The following C18orf63 variants were observed in gnomAD, a reference collection of about 807,000 sequenced individuals.
C18orf63 encodes the protein chromosome 18 open reading frame 63.
In C18orf63, 50 loss-of-function variants were observed where a neutral mutation model predicts 75.3. That is an observed-to-expected ratio of 0.66 (90% CI 0.53 to 0.84). The LOEUF is 0.84. Ranked by LOEUF, C18orf63 falls within the 40% of genes least tolerant of loss-of-function variation. C18orf63 has a pLI of 0.00. For missense variants in C18orf63, 732 were observed against 800.2 expected, an observed-to-expected ratio of 0.91 and a Z score of 1.03; for synonymous variants, 232 against 267.6, an observed-to-expected ratio of 0.87 and a Z score of 1.30.
At chr18:74,355,635 T>C (rs754442049) in intron 13 of C18orf63, among the ~76,000 whole-genome samples, 12 of 151,294 alleles carry the variant, frequency 7.9e-5, no homozygotes, top group Non-Finnish European at 1.6e-4. Context: ...TATAAAAAAT[T>C]AGGGCCGGGC....
At chr18:74,322,826 C>A in intron 4 of C18orf63, 72 bp downstream of exon 4, 1 of 489,046 alleles carries the variant, frequency 2.0e-6, no homozygotes, top group Non-Finnish European at 3.3e-6. Flanking sequence ...CTTTTGTCAA[C>A]AAACAAAAAC....
At chr18:74,356,352 C>G (rs1484669028) in intron 13 of C18orf63, 129 bp from the exon 14 acceptor site, 1 of 152,224 alleles carries the variant, frequency 6.6e-6, no homozygotes, top group Non-Finnish European at 1.5e-5. Flanking sequence ...TTATTTAGCT[C>G]CCAATAACAG....
rs1217413183 is a variant in C18orf63, at chr18:74,354,537, T to C, written c.*24T>C. On this transcript the variant is annotated 3_prime_UTR_variant, in exon 13 of 14. Transcript: ENST00000579455. Reference sequence around the variant, plus strand: ...AGAACATGGACCTGAAAGAAGGAAATGTCTACCAGGTAACTGAAGTGATAG... The same window carrying C: ...AGAACATGGACCTGAAAGAAGGAAACGTCTACCAGGTAACTGAAGTGATAG... The C allele has an allele frequency of 3.3e-6, 4 of 1,194,894 alleles. No individual in the cohort carries two copies. Among genetic ancestry groups the C allele is most frequent in the Non-Finnish European group, 4.7e-6 (4 of 848,284 alleles). The allele number at this position is 1,194,894 out of a possible 1,614,324, so 74.0% of individuals were successfully genotyped here.
chr18:74,350,073 G>A (rs1266415784), intron 11 of C18orf63, among the ~76,000 whole-genome samples: 2 of 152,152 alleles, frequency 1.3e-5, no homozygotes, highest in African/African-American at 2.4e-5. Context: ...ATTGGCTGTG[G>A]GGTGTGGGGG....
At position 74,343,534 on chromosome 18, in the gene C18orf63, C is replaced by G. The variant is rs1984522553; in HGVS notation, c.810C>G (p.Cys270Trp). 1.0e-5 allele frequency: 16 copies of G among 1,529,030 alleles called. No homozygotes were observed. The highest frequency in any genetic ancestry group is 1.2e-5 in the Non-Finnish European group (14 of 1,143,328). The allele number at this position is 1,529,030 out of a possible 1,614,324, so 94.7% of individuals were successfully genotyped here. The change falls in exon 11 of 14, where the codon TGC (cysteine) becomes TGG (tryptophan). Residue 270 changes from cysteine (C) to tryptophan (W), a missense_variant. Cys to Trp is a radical substitution (Grantham distance 215). Coordinates refer to ENST00000579455, the MANE Select transcript of C18orf63 (RefSeq NM_001174123.2). ...GERTFTYPLS[C>W]IRSQPMQFFP... ...CATTGTTCAGATATCCTCTCAGTTG[C>G]ATCAGAAGTCAGCCCATGCAGTTCT...
chr18:74,329,708 G>A (rs1984271633), intron 6 of C18orf63, among the ~76,000 whole-genome samples: 2 of 151,968 alleles, frequency 1.3e-5, no homozygotes. Context: ...ATAAGAATAG[G>A]ATTCATTTTC....
At chr18:74,318,483 A>T (rs1292300292) in intron 2 of C18orf63, among the ~76,000 whole-genome samples, 1 of 152,160 alleles carries the variant, frequency 6.6e-6, no homozygotes, top group Non-Finnish European at 1.5e-5. Flanking sequence ...CTGATCCCAC[A>T]TAGTCGTTGA....
intron 7 of C18orf63, among the ~76,000 whole-genome samples, chr18:74,335,256 T>G (rs1200318759): frequency 6.6e-6 from 1 of 152,162 alleles, no homozygotes; most frequent in Admixed American, 6.5e-5. Context: ...GACTTTTGTT[T>G]CTAAATTCTT....
chr18:74,316,908 C>T (rs1179464606), intron 1 of C18orf63, among the ~76,000 whole-genome samples: 1 of 152,188 alleles, frequency 6.6e-6, no homozygotes, highest in Non-Finnish European at 1.5e-5. Flanking sequence ...TACAGTGTTG[C>T]AATCCGTGAG....
Position 74,315,911 on chromosome 18 carries a change from A to C in C18orf63, c.-231A>C, listed in dbSNP as rs975037067. ...AGGGCAGCGAGGAGGGAGCTGAGGC[A>C]CGCGGGCTCTCAATCGACGCCCCAC... On this transcript the variant is annotated 5_prime_UTR_variant, in exon 1 of 14. Coordinates refer to ENST00000579455, the MANE Select transcript of C18orf63 (RefSeq NM_001174123.2). 5 of 152,478 alleles carry C rather than the reference A, an allele frequency of 3.3e-5. No homozygotes were observed. In the East Asian group the frequency reaches 9.7e-4, roughly 30 times the overall value. The allele number at this position is 152,478 out of a possible 1,614,324, so 9.4% of individuals were successfully genotyped here.
intron 12 of C18orf63, 53 bp downstream of exon 12, chr18:74,354,321 C>A: frequency 7.2e-7 from 1 of 1,390,602 alleles, no homozygotes. Flanking sequence ...CCCTTAAAAC[C>A]CCTAAATAAG....
chr18:74,329,062 G>T (rs1320105219), intron 6 of C18orf63, 26 bp downstream of exon 6: 1 of 1,378,070 alleles, frequency 7.3e-7, no homozygotes, highest in South Asian at 1.2e-5. Context: ...TAAGTCAATA[G>T]ATAAAACAAT....
chr18:74,353,563 C>A lies in C18orf63; in HGVS notation c.1296C>A (p.Thr432=). ...ATCTTAGCTCCCAAAGCAACATCAC[C>A]CCTAAGTTTGTACCAGTTTTCAAAA... The part of the protein sequence containing the change: ...HTNLSSQSNI[T]PKFVPVFKNR... Residue 432 remains threonine, a synonymous_variant, in exon 12 of 14, where the codon ACC becomes ACA. Transcript: ENST00000579455. 6.5e-7 allele frequency: 1 copy of A among 1,536,458 alleles called. No homozygotes were observed. The highest frequency in any genetic ancestry group is 1.4e-5 in the African/African-American group (1 of 73,146).
Position 74,355,272 on chromosome 18 carries a change from CTA to C in C18orf63, c.*33+728_*33+729del, listed in dbSNP as rs367837493. Among the ~76,000 whole-genome samples, 35 of 152,208 alleles carry C rather than the reference CTA, an allele frequency of 2.3e-4. No individual in the cohort carries two copies. The East Asian group carries it at 4.4e-3, about 19-fold the overall frequency. Reference sequence around the variant, plus strand: ...TTAATTAACCAGAAAGTATTTGAGTCTATTCCTATATACGTTATGATGTTGTA... The same window carrying C: ...TTAATTAACCAGAAAGTATTTGAGTCTTCCTATATACGTTATGATGTTGTA... On this transcript the variant is annotated intron_variant, in intron 13 of 13. Transcript: ENST00000579455.
At chr18:74,329,382 A>G (rs990942431) in intron 6 of C18orf63, among the ~76,000 whole-genome samples, 8 of 151,520 alleles carry the variant, frequency 5.3e-5, no homozygotes, top group Non-Finnish European at 1.0e-4. Flanking sequence ...TCAAAAAAAA[A>G]AAAAAAAAAA....
Position 74,354,507 on chromosome 18 carries a change from T to C in C18orf63, c.2052T>C (p.Asn684=), listed in dbSNP as rs1163806922. 6 of 1,447,714 alleles carry C rather than the reference T, an allele frequency of 4.1e-6. No homozygotes were observed. Among genetic ancestry groups the C allele is most frequent in the Non-Finnish European group, 5.6e-6 (6 of 1,069,222 alleles). The allele number at this position is 1,447,714 out of a possible 1,614,324, so 89.7% of individuals were successfully genotyped here. ...SKLKKSLIIH[N]A ...TTAAGAAATCTCTCATCATTCATAA[T>C]GCTTAGAACATGGACCTGAAAGAAG... is the stretch of plus-strand genomic sequence containing the variant. The change falls in exon 13 of 14, where the codon AAT becomes AAC. Residue 684 remains asparagine (N), a synonymous_variant. Transcript: ENST00000579455.
chr18:74,319,585 T>C (rs1984084968), intron 2 of C18orf63, among the ~76,000 whole-genome samples: 1 of 152,224 alleles, frequency 6.6e-6, no homozygotes, highest in Non-Finnish European at 1.5e-5. Context: ...TAAGTTCATT[T>C]GGCTGTTGAA....
intron 11 of C18orf63, among the ~76,000 whole-genome samples, chr18:74,350,462 C>G (rs1472237976): frequency 6.6e-6 from 1 of 151,942 alleles, no homozygotes; most frequent in Non-Finnish European, 1.5e-5. Flanking sequence ...TGAAAAGGGG[C>G]AATTGGATAC....
Position 74,353,318 on chromosome 18 carries a change from A to G in C18orf63, c.1051A>G (p.Arg351Gly), listed in dbSNP as rs1283234436. ...LRASLTQATS[R>G]KPACAQSLLP... Reference sequence around the variant, plus strand: ...GGCATCTCTGACTCAAGCCACTTCCAGAAAGCCTGCCTGTGCTCAAAGTCT... The same window carrying G: ...GGCATCTCTGACTCAAGCCACTTCCGGAAAGCCTGCCTGTGCTCAAAGTCT... The change falls in exon 12 of 14, where the codon AGA becomes GGA. Residue 351 changes from arginine to glycine, a missense_variant. Coordinates refer to ENST00000579455, the MANE Select transcript of C18orf63 (RefSeq NM_001174123.2). The G allele has an allele frequency of 6.5e-7, 1 of 1,536,548 alleles. No individual in the cohort carries two copies. The highest frequency in any genetic ancestry group is 2.4e-5 in the East Asian group (1 of 40,908).
Sources: gnomAD v4.1 joint callset for allele counts (sites outside exome capture counted in the v4.1 genomes callset) on GRCh38, gnomAD v4.1.1 for gene constraint, MANE v1.5 for transcripts, NCBI Gene and HGNC (gene_info 2026-07-23, HGNC 2026-07-21) for gene names.